FOXP1: variants seen among roughly 807,000 people sequenced by gnomAD.
The protein encoded by FOXP1 is forkhead box protein P1.
In FOXP1, 15 loss-of-function variants were observed where a neutral mutation model predicts 98.2. That is an observed-to-expected ratio of 0.15 (90% confidence interval 0.10 to 0.24). The LOEUF is 0.24. Among genes scored for constraint, FOXP1 ranks in the 10% least tolerant of loss-of-function variants. FOXP1 has a pLI of 1.00. For synonymous variants in FOXP1, 371 were observed against 314.5 expected (o/e 1.18, Z -1.90); for missense variants, 633 against 848.5 (o/e 0.75, Z 3.15).
In FOXP1 at chr3:71,375,227, T is replaced by C. The variant is rs529087326; in HGVS notation, c.-167-15983A>G. Reference sequence around the variant, plus strand: ...CAGAAAAGAGCTTCTGATATCTATATGGTAAAGTAGAGAACTGGACAAGGG... The same window carrying C: ...CAGAAAAGAGCTTCTGATATCTATACGGTAAAGTAGAGAACTGGACAAGGG... On this transcript the variant is annotated intron_variant, in intron 3 of 20. Transcript: ENST00000649528. 5.3e-5 allele frequency among the ~76,000 whole-genome samples: 8 copies of C among 152,282 alleles called. No individual in the cohort carries two copies. The South Asian group carries it at 1.7e-3, about 32-fold the overall frequency.
At chr3:71,198,042 A>G (rs1192967820) in intron 6 of FOXP1, 160 bp downstream of exon 6, 1 of 1,614,116 alleles carries the variant, frequency 6.2e-7, no homozygotes, top group Non-Finnish European at 8.5e-7. Flanking sequence ...TGGGACTCCT[A>G]GAGGGCTGAT....
intron 4 of FOXP1, among the ~76,000 whole-genome samples, chr3:71,306,631 C>CAAAAAAAAAAAAAAAAAAAAAAA (rs66479255): frequency 4.7e-5 from 2 of 42,836 alleles, no homozygotes; most frequent in Middle Eastern, 0.024. Flanking sequence ...GAGAATAAGC[C>CAAAAAAAAAAAAAAAAAAAAAAA]AAAAAAAAAA....
At position 71,490,294 on chromosome 3, in the gene FOXP1, C is replaced by T. The variant is rs1048038755; in HGVS notation, c.-168+3132G>A. On this transcript the variant is annotated intron_variant, in intron 3 of 20. Coordinates refer to ENST00000649528, the MANE Select transcript of FOXP1 (RefSeq NM_001349338.3). ...GACAGATCACCTGAGGTCAGGAGTTCGAGACCAGCCTGGCCAACATAATTA... is the reference window on the plus strand; with the variant it reads ...GACAGATCACCTGAGGTCAGGAGTTTGAGACCAGCCTGGCCAACATAATTA... Among the ~76,000 whole-genome samples, 4 of 151,938 alleles carry T rather than the reference C, an allele frequency of 2.6e-5. No individual in the cohort carries two copies. In the East Asian group the frequency reaches 7.8e-4, roughly 29 times the overall value.
chr3:71,364,526 G>T (rs953059693), intron 3 of FOXP1, among the ~76,000 whole-genome samples: 2 of 152,130 alleles, frequency 1.3e-5, no homozygotes, highest in Non-Finnish European at 2.9e-5. Context: ...GCCTTTTGTT[G>T]TTGCTGTTGA....
Position 71,052,584 on chromosome 3 carries a change from G to C in FOXP1, c.463C>G (p.Gln155Glu). 6.9e-7 allele frequency: 1 copy of C among 1,440,260 alleles called. No individual in the cohort carries two copies. Among genetic ancestry groups the C allele is most frequent in the Non-Finnish European group, 9.8e-7 (1 of 1,020,894 alleles). 89.2% of individuals were successfully genotyped at this position (1,440,260 alleles called of 1,614,324 possible). A position where few individuals can be genotyped will look rare whatever the true frequency, so the allele number is the denominator to read the frequency against. Residue 155 changes from glutamine (Q) to glutamate (E), a missense_variant, in exon 9 of 21, where the codon CAG becomes GAG. By Grantham distance (29) the Gln-to-Glu change is conservative (BLOSUM62 2). This residue lies in a region of FOXP1 where 210 missense variants were observed against 270.6 expected (regional missense o/e 0.78). Transcript: ENST00000649528. ...TGTTGTTGTTGTAAAAGTTGAAGCT[G>C]CAACTGTTCCTGTTGTTTTTTATAA... ...EFYKKQQEQL[Q>E]LQLLQQQHAG...
intron 5 of FOXP1, among the ~76,000 whole-genome samples, chr3:71,200,216 G>A (rs1368553257): frequency 6.6e-6 from 1 of 151,656 alleles, no homozygotes; most frequent in Non-Finnish European, 1.5e-5. Context: ...CAGAAAAGAT[G>A]TTCAAAGATG....
intron 5 of FOXP1, among the ~76,000 whole-genome samples, chr3:71,297,189 A>AG (rs1196791238): frequency 6.6e-6 from 1 of 152,204 alleles, no homozygotes. Flanking sequence ...TAATTTTACA[A>AG]GGGGGGCATT....
chr3:71,208,621 C>T (rs2064228280), intron 5 of FOXP1, among the ~76,000 whole-genome samples: 1 of 151,274 alleles, frequency 6.6e-6, no homozygotes, highest in Non-Finnish European at 1.5e-5. Context: ...AAAGCAATAT[C>T]TGTTTAATAA....
intron 5 of FOXP1, among the ~76,000 whole-genome samples, chr3:71,265,021 C>A (rs2069503354): frequency 6.6e-6 from 1 of 152,152 alleles, no homozygotes. Flanking sequence ...CTAGAGTGTG[C>A]ACGTATACAC....
At chr3:71,017,592 T>C (rs34520046) in intron 11 of FOXP1, among the ~76,000 whole-genome samples, 6,204 of 152,086 alleles carry the variant, frequency 0.041, 203 homozygotes, top group Non-Finnish European at 0.066. Context: ...TAACATAATT[T>C]TGTAAATACT....
chr3:70,984,123 C>T (rs2039339821), intron 14 of FOXP1, among the ~76,000 whole-genome samples: 5 of 152,178 alleles, frequency 3.3e-5, no homozygotes, highest in East Asian at 3.8e-4. Context: ...AACTGCTTTT[C>T]GGCTCTATGT....
chr3:71,062,737 C>CACATTTGGGCAGGAA (rs1328567680), intron 7 of FOXP1, among the ~76,000 whole-genome samples: 1 of 152,188 alleles, frequency 6.6e-6, no homozygotes, highest in East Asian at 1.9e-4. Flanking sequence ...AGACAAGCTG[C>CACATTTGGGCAGGAA]ACATTTGGGC....
At chr3:71,582,823 T>A in intron 1 of FOXP1, 1 of 980,528 alleles carries the variant, frequency 1.0e-6, no homozygotes, top group Non-Finnish European at 1.2e-6. Flanking sequence ...TCCGAGGGGG[T>A]GGCGGGAGAG....
chr3:70,966,397 T>A, intron 19 of FOXP1: 1 of 351,300 alleles, frequency 2.8e-6, no homozygotes, highest in South Asian at 2.5e-5. Context: ...TATTTCCAGA[T>A]CACAGTGAAA....
chr3:71,460,599 G>A (rs2087984838), intron 3 of FOXP1, among the ~76,000 whole-genome samples: 1 of 152,034 alleles, frequency 6.6e-6, no homozygotes, highest in South Asian at 2.1e-4. Context: ...GCCAGGCTTG[G>A]CTAACTTTTT....
Position 70,977,668 on chromosome 3 carries a change from A to G in FOXP1, c.1403T>C (p.Phe468Ser). The G allele has an allele frequency of 1.2e-6, 2 of 1,614,012 alleles. No homozygotes were observed. Among genetic ancestry groups the G allele is most frequent in the South Asian group, 2.2e-5 (2 of 91,076 alleles). Residue 468 changes from phenylalanine to serine, a missense_variant, in exon 16 of 21, where the codon TTT (phenylalanine) becomes TCT (serine). Phe to Ser is a radical substitution (Grantham distance 155, BLOSUM62 -2). Coordinates refer to ENST00000649528, the MANE Select transcript of FOXP1 (RefSeq NM_001349338.3). ...CTGCCTAATTAAAGATGCATATGTA[A>G]ATGGTGGTCTAACTTCTGCGTTCTT... ...FYKNAEVRPP[F>S]TYASLIRQAI...
chr3:71,342,922 G>A (rs1024509807), intron 4 of FOXP1, among the ~76,000 whole-genome samples: 3 of 152,100 alleles, frequency 2.0e-5, no homozygotes, highest in African/African-American at 7.2e-5. Context: ...TTCAGTTTGG[G>A]TTACTTCTTC....
intron 13 of FOXP1, among the ~76,000 whole-genome samples, chr3:70,989,071 A>G (rs1218450268): frequency 6.6e-6 from 1 of 152,188 alleles, no homozygotes; most frequent in Non-Finnish European, 1.5e-5. Context: ...CTGTCACATA[A>G]TTAACCTTAA....
At chr3:71,372,897 G>A (rs55869376) in intron 3 of FOXP1, among the ~76,000 whole-genome samples, 33,458 of 152,128 alleles carry the variant, frequency 0.22, 4,450 homozygotes, top group Non-Finnish European at 0.29. Context: ...CTTCTATGTC[G>A]TAAATGACCC....
Sources: allele counts gnomAD v4.1 joint callset (sites outside exome capture counted in the v4.1 genomes callset), GRCh38; gene constraint gnomAD v4.1.1; regional missense constraint gnomAD v4.1.1; transcripts MANE v1.5; gene names NCBI Gene and HGNC (gene_info 2026-07-23, HGNC 2026-07-21).